The following ACBD5 variants were observed in gnomAD, a reference collection of about 807,000 sequenced individuals.
The protein encoded by ACBD5 is acyl-CoA binding domain containing 5.
In ACBD5, 40 loss-of-function variants were observed where a neutral mutation model predicts 71.8. The observed-to-expected ratio is 0.56, with a 90% CI of 0.43 to 0.72. ACBD5 has a LOEUF of 0.72. ACBD5 is among the 30% of genes least tolerant of loss of function. The probability of loss-of-function intolerance (pLI) is 0.00; values close to 1 mark genes in which losing one functional copy is unlikely to be tolerated. For synonymous variants in ACBD5, 229 were observed against 218.6 expected (o/e 1.05, Z -0.42); for missense variants, 559 against 644.5 (o/e 0.87, Z 1.44).
At chr10:27,202,927 T>C (rs1255403337) in intron 12 of ACBD5, among the ~76,000 whole-genome samples, 2 of 149,034 alleles carry the variant, frequency 1.3e-5, no homozygotes, top group African/African-American at 4.9e-5. Context: ...TGAAAATGTA[T>C]AGAAGAAGAA....
At chr10:27,182,858 G>A (rs949773065) in intron 13 of ACBD5, among the ~76,000 whole-genome samples, 16 of 151,488 alleles carry the variant, frequency 1.1e-4, no homozygotes, top group African/African-American at 3.9e-4. Flanking sequence ...ATGTTGCTTA[G>A]GCTGGTCTTG....
At chr10:27,198,781 T>C (rs1334599139) in intron 12 of ACBD5, among the ~76,000 whole-genome samples, 1 of 152,192 alleles carries the variant, frequency 6.6e-6, no homozygotes, top group Non-Finnish European at 1.5e-5. Context: ...ATCTGCGGGA[T>C]GCAGATTACT....
intron 5 of ACBD5, 150 bp from the exon 6 acceptor site, chr10:27,220,007 T>C (rs1047640727): frequency 1.9e-6 from 1 of 514,906 alleles, no homozygotes; most frequent in Non-Finnish European, 2.8e-6. Flanking sequence ...TCTTTGACTA[T>C]AAACATACAT....
In ACBD5 at chr10:27,195,484, C is replaced by T. The variant is rs1025340998; in HGVS notation, c.*1946G>A. ...GACTGCTTGTAATGATTCACAACTGCTTACACTCTTAATTTGCATTTTATT... is the reference window on the plus strand; with the variant it reads ...GACTGCTTGTAATGATTCACAACTGTTTACACTCTTAATTTGCATTTTATT... On this transcript the variant is annotated 3_prime_UTR_variant, in exon 13 of 13. Coordinates refer to ENST00000396271, the MANE Select transcript of ACBD5 (RefSeq NM_145698.5). 1.1e-5 allele frequency: 5 copies of T among 454,090 alleles called. No individual in the cohort carries two copies. The highest frequency in any genetic ancestry group is 2.2e-5 in the Non-Finnish European group (5 of 226,746). The allele number at this position is 454,090 out of a possible 1,614,324, so 28.1% of individuals were successfully genotyped here.
chr10:27,189,824 T>C (rs866224644), intron 13 of ACBD5, among the ~76,000 whole-genome samples: 85 of 151,632 alleles, frequency 5.6e-4, no homozygotes, highest in African/African-American at 2.0e-3. Context: ...ATAATGTTTA[T>C]TGGATGAATT....
At chr10:27,236,827 G>A (rs1402498408) in intron 2 of ACBD5, among the ~76,000 whole-genome samples, 1 of 144,762 alleles carries the variant, frequency 6.9e-6, no homozygotes, top group African/African-American at 2.6e-5. Context: ...GGTGGTTGCA[G>A]TGAGCCAAGA....
chr10:27,209,194 T>C (rs1318927864), intron 9 of ACBD5, among the ~76,000 whole-genome samples: 1 of 152,066 alleles, frequency 6.6e-6, no homozygotes, highest in African/African-American at 2.4e-5. Context: ...CAAACTGCTG[T>C]GGGATTACAG....
intron 3 of ACBD5, among the ~76,000 whole-genome samples, chr10:27,233,652 A>AGGTTGCAGT (rs2064212364): frequency 6.6e-6 from 1 of 152,072 alleles, no homozygotes; most frequent in Admixed American, 6.6e-5. Flanking sequence ...CAGGAGGCAG[A>AGGTTGCAGT]GGTTGCAGTG....
chr10:27,235,215 G>A lies in ACBD5; in HGVS notation c.182-3C>T, dbSNP rs769658481. The stretch of plus-strand genomic sequence containing the variant: ...TTCATTTGTTGGCTGGAATGAACCT[G>A]TTGGAAACACACATTAAATACAAAT... On this transcript the variant is annotated splice_region_variant and splice_polypyrimidine_tract_variant and intron_variant, in intron 2 of 12. Coordinates refer to ENST00000396271, the MANE Select transcript of ACBD5 (RefSeq NM_145698.5). 3.7e-6 allele frequency: 6 copies of A among 1,613,818 alleles called. No homozygotes were observed. Among genetic ancestry groups the A allele is most frequent in the Non-Finnish European group, 4.2e-6 (5 of 1,179,882 alleles).
chr10:27,223,599 A>G (rs1486658721), intron 4 of ACBD5, 147 bp from the exon 5 acceptor site: 2 of 706,444 alleles, frequency 2.8e-6, no homozygotes, highest in Non-Finnish European at 4.9e-6. Flanking sequence ...CATTAATTAC[A>G]TACTTAATGT....
intron 4 of ACBD5, among the ~76,000 whole-genome samples, chr10:27,225,112 A>G (rs1288786397): frequency 7.4e-6 from 1 of 135,484 alleles, no homozygotes; most frequent in Non-Finnish European, 1.5e-5. Context: ...GTCTCGCTCC[A>G]TCATCACCCA....
intron 12 of ACBD5, among the ~76,000 whole-genome samples, chr10:27,204,081 T>C (rs970635486): frequency 3.1e-5 from 4 of 128,574 alleles, no homozygotes; most frequent in African/African-American, 1.2e-4. Context: ...GTGCACATGA[T>C]CATGCCTGTG....
intron 4 of ACBD5, among the ~76,000 whole-genome samples, chr10:27,227,009 A>ATTTTTTTTTTTTTTTTTT (rs56406048): frequency 5.1e-5 from 4 of 78,392 alleles, no homozygotes; most frequent in East Asian, 3.7e-4. Flanking sequence ...TTTTTTTGCG[A>ATTTTTTTTTTTTTTTTTT]TTTTTTTTTT....
chr10:27,232,621 C>T (rs1406580331), intron 3 of ACBD5, among the ~76,000 whole-genome samples: 3 of 152,078 alleles, frequency 2.0e-5, no homozygotes, highest in Non-Finnish European at 4.4e-5. Context: ...GCCACTGCGC[C>T]CAGCCAGCCA....
chr10:27,231,817 A>G lies in ACBD5; in HGVS notation c.306T>C (p.Asp102=), dbSNP rs2063904427. 3 of 1,613,420 alleles carry G rather than the reference A, an allele frequency of 1.9e-6. No homozygotes were observed. The highest frequency in any genetic ancestry group is 2.5e-6 in the Non-Finnish European group (3 of 1,179,764). The stretch of plus-strand genomic sequence containing the variant: ...TCATATCACCCAGTGAACTCCAAGC[A>G]TCCCTAGAAATGAAAGTATCCACAA... ...FWDPIGRYKW[D]AWSSLGDMTK... is the part of the protein sequence containing the mutation. The change falls in exon 4 of 13, where the codon GAT becomes GAC. Residue 102 remains aspartate, a synonymous_variant. Coordinates refer to ENST00000396271, the MANE Select transcript of ACBD5 (RefSeq NM_145698.5).
chr10:27,196,852 C>G lies in ACBD5; in HGVS notation c.*578G>C, dbSNP rs1486710953. Reference sequence around the variant, plus strand: ...CTTTTTAATAATGATGCCTGAACACCAAACTCAAGAGTTGTGAATGCCCAA... The same window carrying G: ...CTTTTTAATAATGATGCCTGAACACGAAACTCAAGAGTTGTGAATGCCCAA... On this transcript the variant is annotated 3_prime_UTR_variant, in exon 13 of 13. Transcript: ENST00000396271. The G allele has an allele frequency of 2.2e-6, 1 of 453,998 alleles. No homozygotes were observed. Among genetic ancestry groups the G allele is most frequent in the Non-Finnish European group, 4.4e-6 (1 of 226,774 alleles). 28.1% of individuals were successfully genotyped at this position (453,998 alleles called of 1,614,324 possible).
upstream of ACBD5, chr10:27,240,816 C>T (rs2065410986): frequency 2.2e-6 from 3 of 1,389,670 alleles, no homozygotes; most frequent in Middle Eastern, 2.0e-4. The surrounding 1 kb of genome is among the most constrained non-coding windows in gnomAD (Gnocchi z 4.1). Context: ...GTGCCCTCCC[C>T]ACAGCCCCGC....
intron 13 of ACBD5, among the ~76,000 whole-genome samples, chr10:27,189,356 T>C (rs1206309769): frequency 6.6e-6 from 1 of 152,224 alleles, no homozygotes; most frequent in Non-Finnish European, 1.5e-5. Context: ...AAAAATAATT[T>C]GTGGCTGGGC....
intron 2 of ACBD5, among the ~76,000 whole-genome samples, chr10:27,238,784 A>G (rs2065089202): frequency 7.6e-6 from 1 of 131,124 alleles, no homozygotes. Flanking sequence ...ATTATTGATA[A>G]TTAATGATAA....
Sources: gnomAD v4.1 joint callset for allele counts (sites outside exome capture counted in the v4.1 genomes callset) on GRCh38, gnomAD v4.1.1 for gene constraint, Gnocchi (gnomAD v3.1) non-coding constraint, MANE v1.5 for transcripts, NCBI Gene and HGNC (gene_info 2026-07-23, HGNC 2026-07-21) for gene names.